PDE6B: variants seen among roughly 807,000 people sequenced by gnomAD.
The protein encoded by PDE6B is phosphodiesterase 6B, also known as rod cGMP-specific 3',5'-cyclic phosphodiesterase subunit beta.
Under a neutral mutation model 109.0 loss-of-function variants are expected in PDE6B, and 106 were observed. The ratio of observed to expected loss-of-function variants is 0.97; its 90% CI spans 0.83 to 1.14. The LOEUF is 1.14. Ranked by LOEUF, PDE6B falls within the 50% of genes most tolerant of loss-of-function variation. The pLI is 0.00. For synonymous variants in PDE6B, 490 were observed against 471.3 expected (o/e 1.04, Z -0.51); for missense variants, 1,193 against 1,155.6 (o/e 1.03, Z -0.47).
At chr4:630,318 G>A (rs1348670442) in intron 1 of PDE6B, among the ~76,000 whole-genome samples, 6 of 152,222 alleles carry the variant, frequency 3.9e-5, no homozygotes, top group East Asian at 1.9e-4. Context: ...GAGGGGCAGC[G>A]GGAGGGAGCC....
At chr4:637,648 G>A (rs932593407) in intron 3 of PDE6B, among the ~76,000 whole-genome samples, 3 of 152,234 alleles carry the variant, frequency 2.0e-5, no homozygotes, top group Non-Finnish European at 4.4e-5. Context: ...GCGGCCTGGG[G>A]GCCGGCTGTG....
chr4:665,469 A>G lies in PDE6B; in HGVS notation c.2268+140A>G, dbSNP rs1737689826. On this transcript the variant is annotated intron_variant, in intron 19 of 21. Coordinates refer to ENST00000496514, the MANE Select transcript of PDE6B (RefSeq NM_000283.4). The surrounding 1 kb of genome is among the most constrained non-coding windows in gnomAD (Gnocchi z 4.0). Reference sequence around the variant, plus strand: ...GGTCCTTATCTCACTTTGTGGGATCATGTGACATGCGTGTGGGTGGCTCGG... The same window carrying G: ...GGTCCTTATCTCACTTTGTGGGATCGTGTGACATGCGTGTGGGTGGCTCGG... 1.4e-6 allele frequency: 1 copy of G among 709,350 alleles called. No individual in the cohort carries two copies. Among genetic ancestry groups the G allele is most frequent in the African/African-American group, 1.8e-5 (1 of 57,122 alleles). 43.9% of individuals were successfully genotyped at this position (709,350 alleles called of 1,614,324 possible). A position where few individuals can be genotyped will look rare whatever the true frequency, so the allele number is the denominator to read the frequency against.
At chr4:664,677 G>C (rs868663965) in intron 17 of PDE6B, among the ~76,000 whole-genome samples, 5 of 152,164 alleles carry the variant, frequency 3.3e-5, no homozygotes, top group Non-Finnish European at 5.9e-5. Context: ...TTAGCCGGGC[G>C]TGGTGGCGGG....
chr4:664,533 C>T (rs1188450940), intron 17 of PDE6B, among the ~76,000 whole-genome samples: 1 of 152,154 alleles, frequency 6.6e-6, no homozygotes, highest in Non-Finnish European at 1.5e-5. Context: ...CCAGGCTGGT[C>T]CCAGGGACCC....
chr4:659,438 C>G (rs533264545), intron 11 of PDE6B, among the ~76,000 whole-genome samples: 2 of 152,168 alleles, frequency 1.3e-5, no homozygotes, highest in African/African-American at 4.8e-5. Context: ...CATGTGTGCA[C>G]GCACATGGGT....
At chr4:650,787 G>A (rs1735469475) in intron 3 of PDE6B, among the ~76,000 whole-genome samples, 1 of 152,206 alleles carries the variant, frequency 6.6e-6, no homozygotes, top group South Asian at 2.1e-4. Context: ...CCATTCCGGA[G>A]GGCAGGGGGT....
At position 658,932 on chromosome 4, in the gene PDE6B, A is replaced by C. The variant is rs747157289; in HGVS notation, c.1402-20A>C. ...CACATGCGAAGCTCTTTCTCGTGAC[A>C]CATCTGTGTCTCTGTGTAGCCAACC... On this transcript the variant is annotated intron_variant, in intron 10 of 21. Transcript: ENST00000496514. 6.3e-7 allele frequency: 1 copy of C among 1,595,432 alleles called. No homozygotes were observed. Among genetic ancestry groups the C allele is most frequent in the Non-Finnish European group, 8.6e-7 (1 of 1,163,468 alleles).
In PDE6B at chr4:662,079, C is replaced by A; in HGVS notation, c.1615-55C>A. Reference sequence around the variant, plus strand: ...TGTGAAGTCAGCCACAGGTGCCGCTCTGGCGGGACTTACACGCTTGCCGCC... The same window carrying A: ...TGTGAAGTCAGCCACAGGTGCCGCTATGGCGGGACTTACACGCTTGCCGCC... On this transcript the variant is annotated intron_variant, in intron 12 of 21. Transcript: ENST00000496514. This position sits in a 1 kb window ranked among gnomAD's most constrained non-coding sequence, Gnocchi z 4.3. The A allele has an allele frequency of 2.4e-6, 2 of 839,110 alleles. No homozygotes were observed. Among genetic ancestry groups the A allele is most frequent in the South Asian group, 2.9e-5 (2 of 70,138 alleles). The allele number at this position is 839,110 out of a possible 1,614,324, so 52.0% of individuals were successfully genotyped here. A position where few individuals can be genotyped will look rare whatever the true frequency, so the allele number is the denominator to read the frequency against.
Position 665,349 on chromosome 4 carries a change from C to A in PDE6B, c.2268+20C>A, listed in dbSNP as rs201982527. 443 of 1,556,214 alleles carry A rather than the reference C, an allele frequency of 2.8e-4. 2 individuals carry two copies. In the South Asian group the frequency reaches 4.2e-3, roughly 15 times the overall value. ...CCCATTGTGAGTGCTGCTTCTGGAA[C>A]CTTCCACTCCTGAAACGGGTGTTAG... On this transcript the variant is annotated intron_variant, in intron 19 of 21. Coordinates refer to ENST00000496514, the MANE Select transcript of PDE6B (RefSeq NM_000283.4). The surrounding 1 kb of genome is among the most constrained non-coding windows in gnomAD (Gnocchi z 4.0).
chr4:665,358 C>T lies in PDE6B; in HGVS notation c.2268+29C>T. ...AGTGCTGCTTCTGGAACCTTCCACT[C>T]CTGAAACGGGTGTTAGAGACCCCTC... On this transcript the variant is annotated intron_variant, in intron 19 of 21. Transcript: ENST00000496514. The surrounding 1 kb of genome is among the most constrained non-coding windows in gnomAD (Gnocchi z 4.0). The T allele has an allele frequency of 6.6e-7, 1 of 1,519,052 alleles. No homozygotes were observed. Among genetic ancestry groups the T allele is most frequent in the East Asian group, 2.3e-5 (1 of 44,418 alleles). 94.1% of individuals were successfully genotyped at this position (1,519,052 alleles called of 1,614,324 possible). A position where few individuals can be genotyped will look rare whatever the true frequency, so the allele number is the denominator to read the frequency against.
chr4:664,438 G>A (rs1180420850), intron 17 of PDE6B, among the ~76,000 whole-genome samples: 1 of 152,176 alleles, frequency 6.6e-6, no homozygotes, highest in East Asian at 1.9e-4. Context: ...GCCCTGCATT[G>A]GTCTGTAGCC....
Position 648,713 on chromosome 4 carries a change from C to T in PDE6B, c.712-5139C>T, listed in dbSNP as rs527559365. On this transcript the variant is annotated intron_variant, in intron 3 of 21. Transcript: ENST00000496514. This position sits in a 1 kb window ranked among gnomAD's most constrained non-coding sequence, Gnocchi z 4.5. Reference sequence around the variant, plus strand: ...GCTCAGGTTTCTCTCTGACCTGTCACGGCAGCTGCCTGTTCGGCTTAGTGG... The same window carrying T: ...GCTCAGGTTTCTCTCTGACCTGTCATGGCAGCTGCCTGTTCGGCTTAGTGG... 2.4e-4 allele frequency among the ~76,000 whole-genome samples: 36 copies of T among 152,380 alleles called. 1 individual carries two copies. Among genetic ancestry groups the T allele is most frequent in the African/African-American group, 2.2e-4 (9 of 41,598 alleles).
In PDE6B at chr4:665,219, A is replaced by G. The variant is rs771176928; in HGVS notation, c.2194-36A>G. The G allele has an allele frequency of 2.6e-6, 4 of 1,529,536 alleles. No homozygotes were observed. Among genetic ancestry groups the G allele is most frequent in the South Asian group, 2.2e-5 (2 of 88,890 alleles). The allele number at this position is 1,529,536 out of a possible 1,614,324, so 94.7% of individuals were successfully genotyped here. A position where few individuals can be genotyped will look rare whatever the true frequency, so the allele number is the denominator to read the frequency against. On this transcript the variant is annotated intron_variant, in intron 18 of 21. Transcript: ENST00000496514. The surrounding 1 kb of genome is among the most constrained non-coding windows in gnomAD (Gnocchi z 4.0). ...GGCCCGGGCCCTTCCGCGTGGGCTC[A>G]GAGCTCCACAGACAGCTGCCTTCCT...
chr4:656,097 T>G, intron 7 of PDE6B, 91 bp downstream of exon 7: 1 of 1,049,824 alleles, frequency 9.5e-7, no homozygotes, highest in Admixed American at 1.7e-5. Context: ...CGTCCCGCCC[T>G]CCCGGCCAGC....
intron 3 of PDE6B, chr4:651,850 G>A (rs958795302): frequency 2.0e-5 from 3 of 153,194 alleles, no homozygotes; most frequent in African/African-American, 7.2e-5. Context: ...CAGTGACTGA[G>A]CTGACTTCTT....
intron 10 of PDE6B, among the ~76,000 whole-genome samples, chr4:658,248 G>A (rs1246152664): frequency 2.2e-5 from 3 of 139,480 alleles, no homozygotes; most frequent in Non-Finnish European, 4.7e-5. Flanking sequence ...ATCTGTGGCA[G>A]GGACAGGTCA....
Position 625,896 on chromosome 4 carries a change from C to T in PDE6B, c.270C>T (p.Asp90=), listed in dbSNP as rs80344633. ...GCCTCTGCACCCTCCTGCAGGCCGA[C>T]CGCTGCAGCCTCTTCATGTACCGCC... ...LRRLCTLLQA[D]RCSLFMYRQR... is the part of the protein sequence containing the mutation. The change falls in exon 1 of 22, where the codon GAC becomes GAT. Residue 90 remains aspartate (D), a synonymous_variant. Coordinates refer to ENST00000496514, the MANE Select transcript of PDE6B (RefSeq NM_000283.4). The surrounding 1 kb of genome is among the most constrained non-coding windows in gnomAD (Gnocchi z 5.0). 1,284 of 1,603,690 alleles carry T rather than the reference C, an allele frequency of 8.0e-4. 10 individuals are homozygous for T. In the African/African-American group the frequency reaches 0.014, roughly 18 times the overall value.
At chr4:659,557 ATG>A (rs1320353140) in intron 11 of PDE6B, among the ~76,000 whole-genome samples, 3 of 150,806 alleles carry the variant, frequency 2.0e-5, no homozygotes, top group African/African-American at 7.4e-5. Flanking sequence ...AGGTGTGTAC[ATG>A]TGTGCACATG....
At position 663,288 on chromosome 4, in the gene PDE6B, G is replaced by A; in HGVS notation, c.1920+101G>A. ...GCGGAGCAGGGTTCTGATGCAGCGGGTGAGCACTGGGTGTGTGAGCACTGG... is the reference window on the plus strand; with the variant it reads ...GCGGAGCAGGGTTCTGATGCAGCGGATGAGCACTGGGTGTGTGAGCACTGG... On this transcript the variant is annotated intron_variant, in intron 15 of 21. Coordinates refer to ENST00000496514, the MANE Select transcript of PDE6B (RefSeq NM_000283.4). The surrounding 1 kb of genome is among the most constrained non-coding windows in gnomAD (Gnocchi z 4.0). 1 of 771,856 alleles carries A rather than the reference G, an allele frequency of 1.3e-6. No homozygotes were observed. The highest frequency in any genetic ancestry group is 2.5e-5 in the East Asian group (1 of 39,584). The allele number at this position is 771,856 out of a possible 1,614,324, so 47.8% of individuals were successfully genotyped here. A position where few individuals can be genotyped will look rare whatever the true frequency, so the allele number is the denominator to read the frequency against.
Sources: allele counts gnomAD v4.1 joint callset (sites outside exome capture counted in the v4.1 genomes callset), GRCh38; gene constraint gnomAD v4.1.1; non-coding constraint Gnocchi (gnomAD v3.1); transcripts MANE v1.5; gene names NCBI Gene and HGNC (gene_info 2026-07-23, HGNC 2026-07-21).